Variants in ANLN observed in about 807,000 individuals in gnomAD.
ANLN encodes anillin, actin binding protein, also known as anillin.
Under a neutral mutation model 135.1 loss-of-function variants are expected in ANLN, and 59 were observed. That is an observed-to-expected ratio of 0.44 (90% CI 0.35 to 0.54). The LOEUF (loss-of-function observed/expected upper bound fraction) is 0.54. Ranked by LOEUF, ANLN falls within the 20% of genes least tolerant of loss-of-function variation. The probability of loss-of-function intolerance (pLI) is 0.00; values close to 1 mark genes in which losing one functional copy is unlikely to be tolerated. For missense variants in ANLN, 1,182 were observed against 1,340.0 expected (o/e 0.88, Z 1.84); for synonymous variants, 406 against 456.4 (o/e 0.89, Z 1.41).
chr7:36,399,241 C>G lies in ANLN; in HGVS notation c.335C>G (p.Thr112Ser), dbSNP rs571675977. 1 of 1,614,172 alleles carries G rather than the reference C, an allele frequency of 6.2e-7. No homozygotes were observed. Among genetic ancestry groups the G allele is most frequent in the East Asian group, 2.2e-5 (1 of 44,886 alleles). The change falls in exon 3 of 24, where the codon ACC (threonine) becomes AGC (serine). Residue 112 changes from threonine (T) to serine (S), a missense_variant. Around this residue, in one of 3 missense-constraint regions of ANLN, gnomAD observed 1,022 missense variants for 1,134.0 expected, o/e 0.90. Coordinates refer to ENST00000265748, the MANE Select transcript of ANLN (RefSeq NM_018685.5). The part of the protein sequence containing the change: ...SPQVQPQAAD[T>S]ISDSVAVPAS... ...CAGGTGCAGCCACAAGCAGCAGATA[C>G]CATCAGTGATTCTGTTGCTGTCCCG...
chr7:36,444,853 A>G (rs1207649060), intron 22 of ANLN, among the ~76,000 whole-genome samples: 2 of 152,088 alleles, frequency 1.3e-5, no homozygotes, highest in Non-Finnish European at 2.9e-5. Context: ...AACATCTTTC[A>G]GCATCAGTAA....
chr7:36,433,342 A>G (rs1201612832), intron 20 of ANLN, among the ~76,000 whole-genome samples: 1 of 152,170 alleles, frequency 6.6e-6, no homozygotes, highest in African/African-American at 2.4e-5. Context: ...TCTGAAGGAT[A>G]TTGTCACTGG....
At chr7:36,425,652 G>C in intron 17 of ANLN, 50 bp from the exon 18 acceptor site, 1 of 1,382,656 alleles carries the variant, frequency 7.2e-7, no homozygotes, top group Non-Finnish European at 1.0e-6. Context: ...TACTTTCTGA[G>C]ACATAATGTT....
At chr7:36,413,263 TC>T (rs1787501929) in intron 7 of ANLN, among the ~76,000 whole-genome samples, 2 of 152,330 alleles carry the variant, frequency 1.3e-5, no homozygotes, top group Non-Finnish European at 2.9e-5. Context: ...TACAAGTTAT[TC>T]CTACTTGCTG....
chr7:36,412,328 T>TATATATATA (rs1554343031), intron 7 of ANLN, among the ~76,000 whole-genome samples: 119 of 63,100 alleles, frequency 1.9e-3, no homozygotes, highest in Non-Finnish European at 3.2e-3. Flanking sequence ...TATATATATA[T>TATATATATA]TTTTTTTTTT....
chr7:36,435,790 G>T (rs372533675), intron 20 of ANLN, among the ~76,000 whole-genome samples: 1 of 143,798 alleles, frequency 7.0e-6, no homozygotes, highest in African/African-American at 2.6e-5. Context: ...GGAGAATGGC[G>T]TGAACCTGGG....
intron 2 of ANLN, among the ~76,000 whole-genome samples, chr7:36,398,577 G>A (rs1334543685): frequency 6.6e-6 from 1 of 152,100 alleles, no homozygotes; most frequent in Non-Finnish European, 1.5e-5. Flanking sequence ...ACTATATAAA[G>A]TGTTATGCAT....
At chr7:36,451,037 T>G (rs1414733145) in intron 23 of ANLN, among the ~76,000 whole-genome samples, 1 of 152,200 alleles carries the variant, frequency 6.6e-6, no homozygotes, top group African/African-American at 2.4e-5. Flanking sequence ...ATGGGTACCC[T>G]TCGCCCAAGC....
chr7:36,441,870 A>G (rs987446675), intron 21 of ANLN, among the ~76,000 whole-genome samples: 11 of 152,214 alleles, frequency 7.2e-5, no homozygotes, highest in Non-Finnish European at 1.5e-4. Context: ...AGATTGAAAT[A>G]ACGACATTCC....
intron 8 of ANLN, 59 bp from the exon 9 acceptor site, chr7:36,417,021 T>A: frequency 1.1e-6 from 1 of 903,364 alleles, no homozygotes; most frequent in Non-Finnish European, 1.7e-6. Flanking sequence ...CAAGATTCCA[T>A]AATTAGAAAA....
Position 36,417,211 on chromosome 7 carries a change from T to A in ANLN, c.1633+21T>A, listed in dbSNP as rs779767785. On this transcript the variant is annotated intron_variant, in intron 9 of 23. Coordinates refer to ENST00000265748, the MANE Select transcript of ANLN (RefSeq NM_018685.5). ...AATTGGTTGGTTTTTATTCTTTATTTATTATTAACTTTGCACATACTATAG... is the reference window on the plus strand; with the variant it reads ...AATTGGTTGGTTTTTATTCTTTATTAATTATTAACTTTGCACATACTATAG... 4 of 1,352,116 alleles carry A rather than the reference T, an allele frequency of 3.0e-6. No homozygotes were observed. The South Asian group carries it at 5.1e-5, about 17-fold the overall frequency. The allele number at this position is 1,352,116 out of a possible 1,614,324, so 83.8% of individuals were successfully genotyped here.
intron 1 of ANLN, 154 bp downstream of exon 1, chr7:36,390,198 G>C: frequency 3.1e-6 from 4 of 1,282,476 alleles, no homozygotes; most frequent in Non-Finnish European, 4.3e-6. Context: ...CGCGGCTGCG[G>C]CCTGCTGTGG....
chr7:36,446,641 AT>A (rs1789013004), intron 22 of ANLN, among the ~76,000 whole-genome samples: 1 of 152,208 alleles, frequency 6.6e-6, no homozygotes, highest in African/African-American at 2.4e-5. Flanking sequence ...CTCATTCACT[AT>A]TGTGAGGACA....
In ANLN at chr7:36,421,731, C is replaced by G. The variant is rs3815483; in HGVS notation, c.2164-126C>G. Reference sequence around the variant, plus strand: ...TAGTCGAGAAACTTGAGCAGTGAAACTAACATTTTGACTTTCATCTGGAAA... The same window carrying G: ...TAGTCGAGAAACTTGAGCAGTGAAAGTAACATTTTGACTTTCATCTGGAAA... On this transcript the variant is annotated intron_variant, in intron 12 of 23. Coordinates refer to ENST00000265748, the MANE Select transcript of ANLN (RefSeq NM_018685.5). The G allele has an allele frequency of 0.095, 80,052 of 839,016 alleles. 4,295 individuals are homozygous for G. The highest frequency in any genetic ancestry group is 0.16 in the Admixed American group (4,820 of 31,052). The allele number at this position is 839,016 out of a possible 1,614,324, so 52.0% of individuals were successfully genotyped here. A position where few individuals can be genotyped will look rare whatever the true frequency, so the allele number is the denominator to read the frequency against.
At chr7:36,428,427 T>C (rs1021589640) in intron 20 of ANLN, 2 of 892,958 alleles carry the variant, frequency 2.2e-6, no homozygotes, top group African/African-American at 3.5e-5. Flanking sequence ...TTGATCTACA[T>C]ATATTTGTTT....
At chr7:36,410,416 G>C in intron 5 of ANLN, 98 bp from the exon 6 acceptor site, 1 of 1,030,190 alleles carries the variant, frequency 9.7e-7, no homozygotes, top group Non-Finnish European at 1.4e-6. Flanking sequence ...TAGAATCAAA[G>C]CATTTTGAAG....
In ANLN at chr7:36,396,332, G is replaced by A; in HGVS notation, c.85G>A (p.Ala29Thr). 6.2e-7 allele frequency: 1 copy of A among 1,609,516 alleles called. No individual in the cohort carries two copies. Among genetic ancestry groups the A allele is most frequent in the South Asian group, 1.1e-5 (1 of 90,716 alleles). ...LQRKMAERPT[A>T]APRSMTHAKR... ...GAGAAAAATGGCTGAGAGGCCCACAGCAGCTCCAAGGTCTATGACTCATGC... is the reference window on the plus strand; with the variant it reads ...GAGAAAAATGGCTGAGAGGCCCACAACAGCTCCAAGGTCTATGACTCATGC... Residue 29 changes from alanine to threonine, a missense_variant, in exon 2 of 24, where the codon GCA becomes ACA. This residue lies in a region of ANLN where 1,022 missense variants were observed against 1,134.0 expected (regional missense o/e 0.90). Coordinates refer to ENST00000265748, the MANE Select transcript of ANLN (RefSeq NM_018685.5).
chr7:36,396,521 G>A (rs1786707538), intron 2 of ANLN, 102 bp downstream of exon 2: 2 of 1,163,238 alleles, frequency 1.7e-6, no homozygotes, highest in Non-Finnish European at 1.2e-6. Flanking sequence ...AAGCTCTTTG[G>A]GAGACAAATG....
In ANLN at chr7:36,423,867, A is replaced by G. The variant is rs2116680557; in HGVS notation, c.2527A>G (p.Met843Val). ...TATACTAAAAGCAGGAGCTGAAAAT[A>G]TGGTAGCCACACCATTAGCAAGTAC... is the stretch of plus-strand genomic sequence containing the variant. ...LIILKAGAEN[M>V]VATPLASTSN... Residue 843 changes from methionine (M) to valine (V), a missense_variant, in exon 15 of 24, where the codon ATG (methionine) becomes GTG (valine). Met to Val is a conservative substitution (Grantham distance 21, BLOSUM62 1). Coordinates refer to ENST00000265748, the MANE Select transcript of ANLN (RefSeq NM_018685.5). 6.2e-7 allele frequency: 1 copy of G among 1,612,636 alleles called. No homozygotes were observed. The highest frequency in any genetic ancestry group is 8.5e-7 in the Non-Finnish European group (1 of 1,179,204).
Sources: allele counts gnomAD v4.1 joint callset (sites outside exome capture counted in the v4.1 genomes callset), GRCh38; gene constraint gnomAD v4.1.1; regional missense constraint gnomAD v4.1.1; transcripts MANE v1.5; gene names NCBI Gene and HGNC (gene_info 2026-07-23, HGNC 2026-07-21).